The following MBD5 variants were observed in gnomAD, a reference collection of about 807,000 sequenced individuals.
The protein encoded by MBD5 is methyl-CpG binding domain protein 5.
A neutral mutation model predicts 117.3 loss-of-function variants in MBD5; 13 were observed. That is an observed-to-expected ratio of 0.11 (90% CI 0.07 to 0.18). The LOEUF (loss-of-function observed/expected upper bound fraction) is 0.18, where lower values mean the gene tolerates loss of function less well. Ranked by LOEUF, MBD5 falls within the 10% of genes least tolerant of loss-of-function variation. MBD5 has a pLI of 1.00. For synonymous variants in MBD5, 727 were observed against 766.4 expected, an observed-to-expected ratio of 0.95 and a Z score of 0.85; for missense variants, 1,879 against 2,093.8, an observed-to-expected ratio of 0.90 and a Z score of 2.00.
intron 2 of MBD5, among the ~76,000 whole-genome samples, chr2:148,224,995 G>T (rs911424834): frequency 6.6e-6 from 1 of 152,094 alleles, no homozygotes; most frequent in African/African-American, 2.4e-5. Context: ...AGATCACAGG[G>T]TCTTGTCTTT....
chr2:148,467,067 A>G (rs1461723407), intron 7 of MBD5, among the ~76,000 whole-genome samples: 9 of 152,132 alleles, frequency 5.9e-5, no homozygotes, highest in Admixed American at 3.9e-4. Context: ...GTATAGTTTG[A>G]ATGGTGCCAT....
chr2:148,203,104 C>CA (rs529122300), intron 2 of MBD5, among the ~76,000 whole-genome samples: 1,819 of 74,704 alleles, frequency 0.024, 43 homozygotes, highest in African/African-American at 0.073. Context: ...GACTCCATCT[C>CA]AAAAAAAAAA....
At chr2:148,458,164 C>G in intron 4 of MBD5, 39 bp from the exon 5 acceptor site, 1 of 398,230 alleles carries the variant, frequency 2.5e-6, no homozygotes. Context: ...CAGTTTTCAA[C>G]ATTAAATATA....
At chr2:148,276,533 AGC>A (rs926197671) in intron 3 of MBD5, among the ~76,000 whole-genome samples, 1 of 152,194 alleles carries the variant, frequency 6.6e-6, no homozygotes, top group African/African-American at 2.4e-5. Context: ...TAAATACTTA[AGC>A]ATGTATCTCT....
chr2:148,293,448 T>G (rs1278508423), intron 3 of MBD5, among the ~76,000 whole-genome samples: 1 of 152,184 alleles, frequency 6.6e-6, no homozygotes, highest in Non-Finnish European at 1.5e-5. Context: ...CCAGTCTCCA[T>G]GATGTGTTTA....
At chr2:148,099,408 G>A (rs767151549) in intron 1 of MBD5, among the ~76,000 whole-genome samples, 4 of 151,988 alleles carry the variant, frequency 2.6e-5, no homozygotes, top group Non-Finnish European at 4.4e-5. Context: ...TATAGTTTCA[G>A]ACTTAATTAA....
chr2:148,386,434 G>T (rs1443585102), intron 4 of MBD5, among the ~76,000 whole-genome samples: 1 of 152,062 alleles, frequency 6.6e-6, no homozygotes, highest in Non-Finnish European at 1.5e-5. Flanking sequence ...GATACTTTAT[G>T]CCGGCCGGGC....
chr2:148,211,156 G>A (rs1468207804), intron 2 of MBD5, among the ~76,000 whole-genome samples: 1 of 152,114 alleles, frequency 6.6e-6, no homozygotes, highest in African/African-American at 2.4e-5. Context: ...GATTTAGGGG[G>A]ACTTTGCTGT....
intron 4 of MBD5, among the ~76,000 whole-genome samples, chr2:148,388,788 C>T (rs1704458266): frequency 6.6e-6 from 1 of 152,112 alleles, no homozygotes; most frequent in Non-Finnish European, 1.5e-5. Flanking sequence ...ACCAGTCCTA[C>T]TGGATTGGAA....
chr2:148,375,899 T>C (rs1415469132), intron 4 of MBD5, among the ~76,000 whole-genome samples: 1 of 152,096 alleles, frequency 6.6e-6, no homozygotes, highest in Non-Finnish European at 1.5e-5. Context: ...TCATCGTTCA[T>C]ACTTGAGTGA....
intron 4 of MBD5, among the ~76,000 whole-genome samples, chr2:148,424,110 G>A (rs140215097): frequency 0.017 from 2,509 of 146,872 alleles, 77 homozygotes; most frequent in African/African-American, 0.058. Context: ...CCCAGGAGGC[G>A]GAGCTTGCGG....
chr2:148,291,820 A>G (rs530074130), intron 3 of MBD5, among the ~76,000 whole-genome samples: 1 of 152,316 alleles, frequency 6.6e-6, no homozygotes, highest in African/African-American at 2.4e-5. Flanking sequence ...CAAATATACT[A>G]CAGAGTTGTA....
intron 4 of MBD5, among the ~76,000 whole-genome samples, chr2:148,395,102 A>G (rs1052301312): frequency 2.6e-5 from 4 of 152,204 alleles, no homozygotes; most frequent in Admixed American, 6.5e-5. Flanking sequence ...ATACCTGGAA[A>G]GCTATGAGAT....
At chr2:148,328,409 C>T (rs1412773102) in intron 3 of MBD5, among the ~76,000 whole-genome samples, 1 of 152,194 alleles carries the variant, frequency 6.6e-6, no homozygotes, top group East Asian at 1.9e-4. Context: ...CCTAAGCAAG[C>T]CTGGGCAATG....
chr2:148,092,558 C>A (rs896839747), intron 1 of MBD5, among the ~76,000 whole-genome samples: 1 of 152,066 alleles, frequency 6.6e-6, no homozygotes, highest in Admixed American at 6.6e-5. Flanking sequence ...AGTGAAGTAA[C>A]CATTATTCTA....
rs78203862 is a variant in MBD5 at position 148,073,645 on chromosome 2, A to G, written c.-925+51961A>G. Among the ~76,000 whole-genome samples, 393 of 152,330 alleles carry G rather than the reference A, an allele frequency of 2.6e-3. 1 individual carries two copies. The highest frequency in any genetic ancestry group is 8.9e-3 in the African/African-American group (368 of 41,568). Reference sequence around the variant, plus strand: ...CAAGCACATACACTTAATGTGCTAGACACTATTCTAGGAAATGACCATGGA... The same window carrying G: ...CAAGCACATACACTTAATGTGCTAGGCACTATTCTAGGAAATGACCATGGA... On this transcript the variant is annotated intron_variant, in intron 1 of 13. Transcript: ENST00000642680.
At chr2:148,307,280 CAA>C (rs538816651) in intron 3 of MBD5, among the ~76,000 whole-genome samples, 2 of 152,034 alleles carry the variant, frequency 1.3e-5, no homozygotes, top group Non-Finnish European at 2.9e-5. Flanking sequence ...ATTCTTTTAA[CAA>C]AGAGAAAACC....
intron 1 of MBD5, among the ~76,000 whole-genome samples, chr2:148,138,362 G>C (rs998482182): frequency 8.5e-5 from 13 of 152,214 alleles, no homozygotes; most frequent in African/African-American, 3.1e-4. Flanking sequence ...AGACAGCCTA[G>C]CCATAGATTT....
intron 1 of MBD5, among the ~76,000 whole-genome samples, chr2:148,035,160 GA>G (rs537439671): frequency 0.015 from 2,263 of 151,014 alleles, 27 homozygotes; most frequent in Non-Finnish European, 0.024. Context: ...CATAGTAGAT[GA>G]AAAAAAATGA....
Sources: allele counts gnomAD v4.1 joint callset (sites outside exome capture counted in the v4.1 genomes callset), GRCh38; gene constraint gnomAD v4.1.1; transcripts MANE v1.5; gene names NCBI Gene and HGNC (gene_info 2026-07-23, HGNC 2026-07-21).